Variants in UBE2F observed in about 807,000 individuals in gnomAD.
UBE2F encodes ubiquitin conjugating enzyme E2 F (putative).
In UBE2F, 5 loss-of-function variants were observed where a neutral mutation model predicts 29.6. The observed-to-expected ratio is 0.17, with a 90% CI of 0.09 to 0.36. The LOEUF (loss-of-function observed/expected upper bound fraction) is 0.36. Among genes scored for constraint, UBE2F ranks in the 10% least tolerant of loss-of-function variants. UBE2F has a pLI of 1.00. For missense variants in UBE2F, 141 were observed against 228.5 expected, an observed-to-expected ratio of 0.62 and a Z score of 2.47; for synonymous variants, 66 against 81.8, an observed-to-expected ratio of 0.81 and a Z score of 1.04.
chr2:238,020,292 C>G (rs149527044), intron 5 of UBE2F, among the ~76,000 whole-genome samples: 8 of 152,268 alleles, frequency 5.3e-5, no homozygotes, highest in African/African-American at 1.7e-4. Context: ...TCTCTCTGCC[C>G]CCTACAAACT....
chr2:238,001,402 T>G (rs940127166), intron 4 of UBE2F, among the ~76,000 whole-genome samples: 2 of 151,644 alleles, frequency 1.3e-5, no homozygotes, highest in South Asian at 2.1e-4. Flanking sequence ...ATATGTGGTG[T>G]TTTTTTTTAA....
chr2:237,973,721 T>C (rs1269242303), intron 2 of UBE2F: 2 of 1,278,942 alleles, frequency 1.6e-6, no homozygotes, highest in Admixed American at 2.5e-5. Context: ...TGTTCTAGAG[T>C]TTTCGTGACT....
chr2:237,992,040 A>G lies in UBE2F; in HGVS notation c.149-2704A>G, dbSNP rs188635601. ...CCATTACATCCGGCTAATTTTTTGT[A>G]TTTTTAGTAGAGAGGGGGTTTTACC... On this transcript the variant is annotated intron_variant, in intron 3 of 9. Transcript: ENST00000272930. Among the ~76,000 whole-genome samples, 32 of 151,724 alleles carry G rather than the reference A, an allele frequency of 2.1e-4. No individual in the cohort carries two copies. In the East Asian group the frequency reaches 6.2e-3, roughly 29 times the overall value.
chr2:238,023,668 A>G (rs535817672), intron 5 of UBE2F, among the ~76,000 whole-genome samples: 4 of 152,206 alleles, frequency 2.6e-5, no homozygotes, highest in South Asian at 2.1e-4. Flanking sequence ...AATGTTACCC[A>G]TTTCACAAAG....
chr2:238,015,229 T>A (rs1482713657), intron 4 of UBE2F, among the ~76,000 whole-genome samples: 3 of 152,192 alleles, frequency 2.0e-5, no homozygotes, highest in Non-Finnish European at 2.9e-5. Flanking sequence ...GGAAAACTAG[T>A]GTTCAGAAAC....
chr2:237,990,129 A>C (rs866622925), intron 3 of UBE2F, among the ~76,000 whole-genome samples: 29 of 151,784 alleles, frequency 1.9e-4, no homozygotes, highest in African/African-American at 6.8e-4. Flanking sequence ...AAAAAAAAAA[A>C]AAAAGTTATC....
intron 4 of UBE2F, among the ~76,000 whole-genome samples, chr2:238,013,535 G>A (rs148989372): frequency 1.8e-3 from 267 of 152,202 alleles, no homozygotes; most frequent in African/African-American, 6.1e-3. Flanking sequence ...AGAGGAGGTG[G>A]GACAGAGAGC....
chr2:237,994,133 A>G (rs565084499), intron 3 of UBE2F, among the ~76,000 whole-genome samples: 1 of 137,150 alleles, frequency 7.3e-6, no homozygotes, highest in African/African-American at 2.7e-5. Flanking sequence ...TTTTTGAGGC[A>G]GAGTTTCACT....
intron 5 of UBE2F, among the ~76,000 whole-genome samples, chr2:238,022,053 G>T (rs74917072): frequency 0.053 from 8,017 of 152,192 alleles, 578 homozygotes; most frequent in East Asian, 0.2. Context: ...TGAAAATTCC[G>T]TTTCCCTAAG....
intron 7 of UBE2F, among the ~76,000 whole-genome samples, chr2:238,031,375 C>T (rs2064573890): frequency 6.6e-6 from 1 of 152,206 alleles, no homozygotes; most frequent in Non-Finnish European, 1.5e-5. Flanking sequence ...GGGAACACGT[C>T]TCATGAACAG....
At chr2:238,013,661 G>A (rs936976932) in intron 4 of UBE2F, among the ~76,000 whole-genome samples, 1 of 152,152 alleles carries the variant, frequency 6.6e-6, no homozygotes, top group South Asian at 2.1e-4. Context: ...GATTTGAGGC[G>A]ACATACCCCT....
At chr2:238,003,268 GAA>G in intron 4 of UBE2F, 1 of 440,640 alleles carries the variant, frequency 2.3e-6, no homozygotes, top group South Asian at 1.6e-5. Context: ...ATGTAGAATA[GAA>G]ATGTGATGTT....
chr2:237,998,960 G>A (rs1423828988), intron 4 of UBE2F, among the ~76,000 whole-genome samples: 1 of 152,084 alleles, frequency 6.6e-6, no homozygotes, highest in Non-Finnish European at 1.5e-5. Context: ...ATTTTGTGCT[G>A]TGGTCTGAAT....
chr2:237,983,674 A>C (rs1479857359), intron 2 of UBE2F, among the ~76,000 whole-genome samples: 1 of 151,970 alleles, frequency 6.6e-6, no homozygotes, highest in Admixed American at 6.6e-5. Context: ...ATTGTGCTGC[A>C]GCTGTTTTGA....
chr2:238,018,856 A>G (rs1268354377), intron 5 of UBE2F, among the ~76,000 whole-genome samples: 4 of 152,206 alleles, frequency 2.6e-5, no homozygotes, highest in East Asian at 1.9e-4. Flanking sequence ...CTACCACATC[A>G]GGTGGTGAGA....
intron 3 of UBE2F, among the ~76,000 whole-genome samples, chr2:237,991,596 C>CTTTTTTTT (rs1364457337): frequency 6.0e-5 from 3 of 50,154 alleles, no homozygotes; most frequent in African/African-American, 8.4e-5. Context: ...CCTTTCTTTT[C>CTTTTTTTT]TTTTCTTTCT....
At chr2:237,978,032 G>A (rs760624145) in intron 2 of UBE2F, among the ~76,000 whole-genome samples, 1 of 152,140 alleles carries the variant, frequency 6.6e-6, no homozygotes, top group Non-Finnish European at 1.5e-5. Context: ...AGCAAGGAAG[G>A]CCCCACGACA....
chr2:237,983,318 G>T (rs1018273014), intron 2 of UBE2F, among the ~76,000 whole-genome samples: 1 of 152,222 alleles, frequency 6.6e-6, no homozygotes, highest in African/African-American at 2.4e-5. Flanking sequence ...GTGTGAGAAG[G>T]CTTGCCCTGG....
At chr2:237,983,448 A>T (rs1157107998) in intron 2 of UBE2F, among the ~76,000 whole-genome samples, 1 of 151,930 alleles carries the variant, frequency 6.6e-6, no homozygotes, top group Non-Finnish European at 1.5e-5. Flanking sequence ...CCCTAGAATG[A>T]GTGCATTTAA....
Sources: gnomAD v4.1 joint callset for allele counts (sites outside exome capture counted in the v4.1 genomes callset) on GRCh38, gnomAD v4.1.1 for gene constraint, MANE v1.5 for transcripts, NCBI Gene and HGNC (gene_info 2026-07-23, HGNC 2026-07-21) for gene names.